Variants in SMC2 observed in about 807,000 individuals in gnomAD.
The protein encoded by SMC2 is structural maintenance of chromosomes protein 2.
A neutral mutation model predicts 142.6 loss-of-function variants in SMC2; 41 were observed. The ratio of observed to expected loss-of-function variants is 0.29; its 90% CI spans 0.22 to 0.37. The LOEUF (loss-of-function observed/expected upper bound fraction) is 0.37, where lower values mean the gene tolerates loss of function less well. SMC2 is among the 10% of genes least tolerant of loss of function. The pLI is 1.00. For synonymous variants in SMC2, 463 were observed against 457.5 expected, an observed-to-expected ratio of 1.01 and a Z score of -0.15; for missense variants, 1,265 against 1,373.7, an observed-to-expected ratio of 0.92 and a Z score of 1.25.
chr9:104,095,893 C>A (rs1211539036), intron 2 of SMC2, among the ~76,000 whole-genome samples: 1 of 152,152 alleles, frequency 6.6e-6, no homozygotes, highest in African/African-American at 2.4e-5. Flanking sequence ...TTATATCTTG[C>A]AAAGTAACTT....
intron 9 of SMC2, among the ~76,000 whole-genome samples, chr9:104,106,964 C>T (rs1356905940): frequency 6.6e-6 from 1 of 152,112 alleles, no homozygotes; most frequent in African/African-American, 2.4e-5. Flanking sequence ...TTCAGTAAAC[C>T]CCGCCATACT....
rs1208419764 is a variant in SMC2, at chr9:104,139,408, T to C, written c.*93T>C. 4.2e-6 allele frequency: 4 copies of C among 944,738 alleles called. No individual in the cohort carries two copies. The Admixed American group carries it at 1.3e-4, about 32-fold the overall frequency. 58.5% of individuals were successfully genotyped at this position (944,738 alleles called of 1,614,324 possible). A position where few individuals can be genotyped will look rare whatever the true frequency, so the allele number is the denominator to read the frequency against. On this transcript the variant is annotated 3_prime_UTR_variant, in exon 25 of 25. Coordinates refer to ENST00000374793, the MANE Select transcript of SMC2 (RefSeq NM_006444.3). ...TAATTTGTTTATATACAAAAATTAA[T>C]GTTACTGTGTTACTTAACCCATGTT...
chr9:104,099,818 G>A (rs1564069180), intron 5 of SMC2, 136 bp downstream of exon 5: 1 of 636,330 alleles, frequency 1.6e-6, no homozygotes, highest in African/African-American at 1.9e-5. Context: ...TTGTATATTT[G>A]TGTAATATTT....
At chr9:104,134,198 C>T (rs1422442016) in intron 22 of SMC2, among the ~76,000 whole-genome samples, 1 of 152,108 alleles carries the variant, frequency 6.6e-6, no homozygotes, top group Non-Finnish European at 1.5e-5. Flanking sequence ...CATCCAGTCT[C>T]TGTTGCAACT....
At chr9:104,120,528 T>TA (rs972688344) in intron 16 of SMC2, among the ~76,000 whole-genome samples, 12 of 152,316 alleles carry the variant, frequency 7.9e-5, no homozygotes, top group African/African-American at 2.9e-4. Context: ...ATGAATATGA[T>TA]ACAGTATAGC....
At chr9:104,104,187 TC>T (rs1163544779) in intron 9 of SMC2, among the ~76,000 whole-genome samples, 2 of 152,206 alleles carry the variant, frequency 1.3e-5, no homozygotes, top group Admixed American at 6.5e-5. Context: ...GTTGATGCCC[TC>T]CAAATCTATA....
rs1265774358 is a variant in SMC2 at position 104,139,395 on chromosome 9, A to G, written c.*80A>G. On this transcript the variant is annotated 3_prime_UTR_variant, in exon 25 of 25. Coordinates refer to ENST00000374793, the MANE Select transcript of SMC2 (RefSeq NM_006444.3). Reference sequence around the variant, plus strand: ...GACTTGAGATAACTAATTTGTTTATATACAAAAATTAATGTTACTGTGTTA... The same window carrying G: ...GACTTGAGATAACTAATTTGTTTATGTACAAAAATTAATGTTACTGTGTTA... The G allele has an allele frequency of 9.4e-6, 11 of 1,173,002 alleles. No individual in the cohort carries two copies. The East Asian group carries it at 1.9e-4, about 21-fold the overall frequency. 72.7% of individuals were successfully genotyped at this position (1,173,002 alleles called of 1,614,324 possible).
intron 10 of SMC2, among the ~76,000 whole-genome samples, chr9:104,112,167 T>TGAA (rs1832530907): frequency 6.6e-6 from 1 of 152,244 alleles, no homozygotes; most frequent in Admixed American, 6.5e-5. Flanking sequence ...AACATAATGT[T>TGAA]GAAGTCTTAA....
chr9:104,128,394 A>G (rs957900437), intron 20 of SMC2, among the ~76,000 whole-genome samples: 2 of 152,174 alleles, frequency 1.3e-5, no homozygotes, highest in African/African-American at 4.8e-5. Flanking sequence ...GTTTTTTGGT[A>G]ATTGAAAATG....
At position 104,100,831 on chromosome 9, in the gene SMC2, T is replaced by C. The variant is rs139651574; in HGVS notation, c.636+398T>C. Among the ~76,000 whole-genome samples the C allele has an allele frequency of 7.9e-3, 1,209 of 152,344 alleles. 9 individuals carry two copies. Among genetic ancestry groups the C allele is most frequent in the Non-Finnish European group, 0.013 (906 of 68,012 alleles). On this transcript the variant is annotated intron_variant, in intron 7 of 24. Transcript: ENST00000374793. ...CTATAATTATTGCTATCAAGGTATT[T>C]TGTAAGCAAAAGGTATTGAAACAGA... is the stretch of plus-strand genomic sequence containing the variant.
upstream of SMC2, among the ~76,000 whole-genome samples, chr9:104,090,052 CAGG>C (rs1829966221): frequency 6.6e-6 from 1 of 152,132 alleles, no homozygotes; most frequent in Admixed American, 6.5e-5. Flanking sequence ...AAGGAAGGCT[CAGG>C]AGGAGCAAAA....
intron 9 of SMC2, among the ~76,000 whole-genome samples, chr9:104,104,780 G>T (rs534265979): frequency 1.3e-5 from 2 of 152,148 alleles, no homozygotes; most frequent in Admixed American, 6.5e-5. Context: ...GGAGAAGGAG[G>T]TTTGTCTTCT....
In SMC2 at chr9:104,114,792, C is replaced by A. The variant is rs753330404; in HGVS notation, c.1634C>A (p.Ala545Asp). The A allele has an allele frequency of 6.2e-7, 1 of 1,613,168 alleles. No homozygotes were observed. The highest frequency in any genetic ancestry group is 1.1e-5 in the South Asian group (1 of 90,996). The change falls in exon 13 of 25, where the codon GCT (alanine) becomes GAT (aspartate). Residue 545 changes from alanine (A) to aspartate (D), a missense_variant. By Grantham distance (126) the Ala-to-Asp change is moderately radical. This residue lies in a region of SMC2 where 898 missense variants were observed against 904.2 expected (regional missense o/e 0.99). Coordinates refer to ENST00000374793, the MANE Select transcript of SMC2 (RefSeq NM_006444.3). ...TSATTALELV[A>D]GERLYNVVVD... ...GCAACCACAGCTTTAGAATTAGTGG[C>A]TGGAGAACGACTCTACAATGTTGTA... is the stretch of plus-strand genomic sequence containing the variant.
intron 17 of SMC2, among the ~76,000 whole-genome samples, chr9:104,124,423 C>T (rs1192065517): frequency 6.6e-6 from 1 of 151,992 alleles, no homozygotes; most frequent in Non-Finnish European, 1.5e-5. Context: ...GATGTTTTTC[C>T]TTTGCTGTAT....
rs1371837578 is a variant in SMC2 at position 104,127,491 on chromosome 9, G to T, written c.2790+11G>T. The T allele has an allele frequency of 6.6e-7, 1 of 1,515,150 alleles. No individual in the cohort carries two copies. Among genetic ancestry groups the T allele is most frequent in the South Asian group, 1.4e-5 (1 of 73,392 alleles). 93.9% of individuals were successfully genotyped at this position (1,515,150 alleles called of 1,614,324 possible). A position where few individuals can be genotyped will look rare whatever the true frequency, so the allele number is the denominator to read the frequency against. On this transcript the variant is annotated intron_variant, in intron 20 of 24. Coordinates refer to ENST00000374793, the MANE Select transcript of SMC2 (RefSeq NM_006444.3). ...GATGGTGCTGCAAAGGTATACGTTT[G>T]TGTGCATTTTTTATACTAAATCAAA...
intron 16 of SMC2, among the ~76,000 whole-genome samples, chr9:104,121,650 T>G (rs552173555): frequency 6.6e-6 from 1 of 152,344 alleles, no homozygotes; most frequent in African/African-American, 2.4e-5. Flanking sequence ...TGATTATTTT[T>G]GGGTATGTTT....
chr9:104,118,063 T>G, intron 14 of SMC2, 108 bp from the exon 15 acceptor site: 1 of 764,006 alleles, frequency 1.3e-6, no homozygotes, highest in Non-Finnish European at 2.1e-6. Flanking sequence ...TAATGCTAGG[T>G]AAGTATTATT....
rs1242389903 is a variant in SMC2, at chr9:104,139,090, C to A, written c.3418-49C>A. On this transcript the variant is annotated intron_variant, in intron 24 of 24. Coordinates refer to ENST00000374793, the MANE Select transcript of SMC2 (RefSeq NM_006444.3). The stretch of plus-strand genomic sequence containing the variant: ...ATCACCAGTATAAAGGAGTAAACTT[C>A]AAGTATATCACAAAAAGTTTTTTTA... The A allele has an allele frequency of 3.1e-6, 4 of 1,310,862 alleles. No individual in the cohort carries two copies. The African/African-American group carries it at 4.6e-5, about 15-fold the overall frequency. 81.2% of individuals were successfully genotyped at this position (1,310,862 alleles called of 1,614,324 possible).
Position 104,101,953 on chromosome 9 carries a change from C to T in SMC2, c.637-7C>T, listed in dbSNP as rs549604035. On this transcript the variant is annotated splice_region_variant and splice_polypyrimidine_tract_variant and intron_variant, in intron 7 of 24. Coordinates refer to ENST00000374793, the MANE Select transcript of SMC2 (RefSeq NM_006444.3). ...GAGTTATTCTTTTTTTGTGATTTCT[C>T]TTTCAGGAAAGATCGTCCTACTTGG... 19 of 1,492,070 alleles carry T rather than the reference C, an allele frequency of 1.3e-5. No individual in the cohort carries two copies. The highest frequency in any genetic ancestry group is 2.1e-5 in the Admixed American group (1 of 46,704). 92.4% of individuals were successfully genotyped at this position (1,492,070 alleles called of 1,614,324 possible). A position where few individuals can be genotyped will look rare whatever the true frequency, so the allele number is the denominator to read the frequency against.
Sources: allele counts gnomAD v4.1 joint callset (sites outside exome capture counted in the v4.1 genomes callset), GRCh38; gene constraint gnomAD v4.1.1; regional missense constraint gnomAD v4.1.1; transcripts MANE v1.5; gene names NCBI Gene and HGNC (gene_info 2026-07-23, HGNC 2026-07-21).